MYO9B: variants seen among roughly 807,000 people sequenced by gnomAD.
The protein encoded by MYO9B is unconventional myosin-IXb.
MYO9B carries 71 observed loss-of-function variants against 229.5 expected under a neutral mutation model. The ratio of observed to expected loss-of-function variants is 0.31; its 90% confidence interval spans 0.26 to 0.38. The LOEUF (loss-of-function observed/expected upper bound fraction) is 0.38. MYO9B is among the 10% of genes least tolerant of loss of function. The pLI is 1.00. For synonymous variants in MYO9B, 1,185 were observed against 1,235.8 expected (o/e 0.96, Z 0.86); for missense variants, 2,255 against 2,920.5 (o/e 0.77, Z 5.25).
intron 2 of MYO9B, among the ~76,000 whole-genome samples, chr19:17,117,660 C>G (rs551194744): frequency 6.6e-6 from 1 of 152,036 alleles, no homozygotes; most frequent in Admixed American, 6.6e-5. Flanking sequence ...ATTCTCAGCC[C>G]GATGCGGTGG....
chr19:17,171,124 G>A (rs189043587), intron 11 of MYO9B, among the ~76,000 whole-genome samples: 29 of 152,266 alleles, frequency 1.9e-4, no homozygotes, highest in African/African-American at 6.5e-4. Context: ...TACAGTCCTG[G>A]AAATGATATG....
At chr19:17,186,865 G>A (rs1417912091) in intron 18 of MYO9B, among the ~76,000 whole-genome samples, 1 of 151,906 alleles carries the variant, frequency 6.6e-6, no homozygotes, top group Non-Finnish European at 1.5e-5. Flanking sequence ...CAAATAGCTG[G>A]GATTACAGGT....
At chr19:17,205,814 C>T (rs1401482062) in intron 31 of MYO9B, 146 bp from the exon 32 acceptor site, 7 of 833,156 alleles carry the variant, frequency 8.4e-6, no homozygotes, top group Non-Finnish European at 1.3e-5. Context: ...ACACCCCCAA[C>T]AACCACGCAG....
intron 19 of MYO9B, among the ~76,000 whole-genome samples, chr19:17,188,428 C>CAA (rs1182917762): frequency 0.091 from 8,395 of 92,332 alleles, 541 homozygotes; most frequent in African/African-American, 0.16. Flanking sequence ...GACTCCATCT[C>CAA]AAAAAAAAAA....
Position 17,154,522 on chromosome 19 carries a change from G to A in MYO9B, c.1199+107G>A. The A allele has an allele frequency of 3.7e-6, 3 of 811,066 alleles. No homozygotes were observed. In the South Asian group the frequency reaches 5.2e-5, roughly 14 times the overall value. 50.2% of individuals were successfully genotyped at this position (811,066 alleles called of 1,614,324 possible). A position where few individuals can be genotyped will look rare whatever the true frequency, so the allele number is the denominator to read the frequency against. On this transcript the variant is annotated intron_variant, in intron 6 of 39. Coordinates refer to ENST00000682292, the MANE Select transcript of MYO9B (RefSeq NM_004145.4). ...ACCTGCAACCCAGTGAAAACAGGCA[G>A]GCAGTGTCCTGAACAGTGCCGCCAT...
At chr19:17,111,171 G>A (rs953014768) in intron 2 of MYO9B, among the ~76,000 whole-genome samples, 1 of 152,130 alleles carries the variant, frequency 6.6e-6, no homozygotes, top group Non-Finnish European at 1.5e-5. Flanking sequence ...CATTGGGGGC[G>A]TCATCTCATA....
intron 35 of MYO9B, 48 bp downstream of exon 35, chr19:17,207,292 A>G (rs766216445): frequency 2.4e-5 from 37 of 1,569,314 alleles, no homozygotes; most frequent in Non-Finnish European, 2.9e-5. Flanking sequence ...AGCCCCACCC[A>G]GGACCCCACG....
At chr19:17,190,359 A>G (rs2145439207) in intron 19 of MYO9B, among the ~76,000 whole-genome samples, 1 of 151,196 alleles carries the variant, frequency 6.6e-6, no homozygotes, top group South Asian at 2.1e-4. Flanking sequence ...ATTCCTGGCT[A>G]ATTTTGGTAG....
intron 2 of MYO9B, among the ~76,000 whole-genome samples, chr19:17,139,439 A>G (rs2145207446): frequency 6.6e-6 from 1 of 152,128 alleles, no homozygotes; most frequent in Middle Eastern, 3.4e-3. Context: ...ACAGACCAAA[A>G]TTCTGTCTCT....
At chr19:17,103,949 G>T (rs573839617) in intron 2 of MYO9B, among the ~76,000 whole-genome samples, 2 of 151,794 alleles carry the variant, frequency 1.3e-5, no homozygotes, top group African/African-American at 4.8e-5. Context: ...CCAGCTACTC[G>T]GGAGGCTGAG....
At chr19:17,098,947 A>AG (rs1491131293) in intron 1 of MYO9B, among the ~76,000 whole-genome samples, 1 of 127,668 alleles carries the variant, frequency 7.8e-6, no homozygotes, top group Admixed American at 8.1e-5. Context: ...AAAAAAAAAA[A>AG]GAAGAAGAAA....
intron 3 of MYO9B, among the ~76,000 whole-genome samples, chr19:17,152,184 C>CGCA (rs779620184): frequency 1.6e-4 from 14 of 87,396 alleles, no homozygotes; most frequent in South Asian, 3.6e-4. Flanking sequence ...AAGACTCCAT[C>CGCA]ACAAAAAAAA....
At chr19:17,206,225 G>GGGGGCCC in intron 32 of MYO9B, 23 bp from the exon 33 acceptor site, 16 of 1,564,596 alleles carry the variant, frequency 1.0e-5, no homozygotes, top group Non-Finnish European at 1.4e-5. Flanking sequence ...CCGCTCACCA[G>GGGGGCCC]ACCCACCCCA....
In MYO9B at chr19:17,102,115, G is replaced by C; in HGVS notation, c.398G>C (p.Arg133Pro). 3.1e-6 allele frequency: 5 copies of C among 1,613,336 alleles called. No homozygotes were observed. Among genetic ancestry groups the C allele is most frequent in the Non-Finnish European group, 4.2e-6 (5 of 1,179,884 alleles). The stretch of plus-strand genomic sequence containing the variant: ...CTGGTGGCGCAGGCCACAGCCACCC[G>C]GCGCCTAGTGGAGCGTGGCCTCCTG... ...MQLVAQATAT[R>P]RLVERGLLPR... The change falls in exon 2 of 40, where the codon CGG (arginine) becomes CCG (proline). Residue 133 changes from arginine to proline, a missense_variant. Arg to Pro is a moderately radical substitution (Grantham distance 103). Transcript: ENST00000682292.
chr19:17,167,744 G>C (rs942685116), intron 10 of MYO9B, among the ~76,000 whole-genome samples, 199 bp from the exon 11 acceptor site: 2 of 152,116 alleles, frequency 1.3e-5, no homozygotes, highest in African/African-American at 2.4e-5. Context: ...CTCCCAAAGT[G>C]CTGGGATTAC....
intron 2 of MYO9B, among the ~76,000 whole-genome samples, chr19:17,110,793 G>A (rs774603339): frequency 2.6e-4 from 39 of 152,046 alleles, no homozygotes; most frequent in Non-Finnish European, 3.2e-4. Flanking sequence ...AAGCTCACCC[G>A]AAGTTGTGCC....
intron 2 of MYO9B, among the ~76,000 whole-genome samples, chr19:17,120,390 C>T (rs1466726871): frequency 6.6e-6 from 1 of 152,150 alleles, no homozygotes; most frequent in Admixed American, 6.6e-5. Flanking sequence ...CATCTGTAAT[C>T]CCAGTGCTTT....
chr19:17,076,253 A>T (rs1276285679), intron 1 of MYO9B, among the ~76,000 whole-genome samples: 3 of 151,554 alleles, frequency 2.0e-5, no homozygotes, highest in Admixed American at 6.6e-5. Flanking sequence ...CAGGGGCGGG[A>T]CAGCCGGGGT....
intron 1 of MYO9B, among the ~76,000 whole-genome samples, chr19:17,100,463 A>G (rs558910433): frequency 6.6e-6 from 1 of 152,262 alleles, no homozygotes; most frequent in Admixed American, 6.5e-5. Context: ...ACAGCACGAG[A>G]CTCTTATCTC....
Sources: allele counts gnomAD v4.1 joint callset (sites outside exome capture counted in the v4.1 genomes callset), GRCh38; gene constraint gnomAD v4.1.1; transcripts MANE v1.5; gene names NCBI Gene and HGNC (gene_info 2026-07-23, HGNC 2026-07-21).